The following CNTRL variants were observed in gnomAD, a reference collection of about 807,000 sequenced individuals.
CNTRL encodes 110 kDa centrosomal protein.
In CNTRL, 233 loss-of-function variants were observed where a neutral mutation model predicts 303.7. The observed-to-expected ratio is 0.77, with a 90% confidence interval of 0.69 to 0.86. CNTRL has a LOEUF of 0.86. Ranked by LOEUF, CNTRL falls within the 40% of genes least tolerant of loss-of-function variation. The pLI is 0.00. For missense variants in CNTRL, 2,524 were observed against 2,650.6 expected (o/e 0.95, Z 1.05); for synonymous variants, 900 against 922.2 (o/e 0.98, Z 0.44).
intron 40 of CNTRL, among the ~76,000 whole-genome samples, chr9:121,172,722 A>G (rs2053362424): frequency 6.6e-6 from 1 of 152,252 alleles, no homozygotes; most frequent in Admixed American, 6.5e-5. Flanking sequence ...TAGCATTTAT[A>G]ATCCAGATCA....
At chr9:121,085,149 C>G (rs1030347705) in intron 2 of CNTRL, among the ~76,000 whole-genome samples, 5 of 152,054 alleles carry the variant, frequency 3.3e-5, no homozygotes, top group Non-Finnish European at 7.4e-5. Context: ...ACAAAAAAGG[C>G]AGATTTAAAA....
At chr9:121,136,352 T>G (rs2051192462) in intron 15 of CNTRL, among the ~76,000 whole-genome samples, 1 of 152,120 alleles carries the variant, frequency 6.6e-6, no homozygotes, top group Non-Finnish European at 1.5e-5. Context: ...GCTCTGTTGC[T>G]AGGCTGGAGT....
At chr9:121,105,125 A>T (rs1352070932) in intron 7 of CNTRL, among the ~76,000 whole-genome samples, 1 of 152,242 alleles carries the variant, frequency 6.6e-6, no homozygotes, top group Non-Finnish European at 1.5e-5. Flanking sequence ...GTAGCAATCT[A>T]GGCTGGAGTC....
chr9:121,169,591 A>G lies in CNTRL; in HGVS notation c.6071-20A>G, dbSNP rs2053224229. 2 of 1,613,372 alleles carry G rather than the reference A, an allele frequency of 1.2e-6. No homozygotes were observed. Among genetic ancestry groups the G allele is most frequent in the South Asian group, 2.2e-5 (2 of 91,062 alleles). On this transcript the variant is annotated intron_variant, in intron 38 of 43. Transcript: ENST00000373855. ...TGGCTCGGGGTCTTTGGCTAAACCT[A>G]CTGAAAATGCTCATTTCAGAACGGC...
chr9:121,161,596 C>T (rs1311479368), intron 32 of CNTRL: 1 of 422,878 alleles, frequency 2.4e-6, no homozygotes, highest in Non-Finnish European at 4.2e-6. Context: ...AGTCCTTACA[C>T]CTCAGCCTGC....
intron 7 of CNTRL, among the ~76,000 whole-genome samples, chr9:121,102,346 A>G (rs1009657069): frequency 6.6e-6 from 1 of 152,220 alleles, no homozygotes; most frequent in Non-Finnish European, 1.5e-5. Context: ...ACAAACTTCA[A>G]CAGCCCTTCA....
In CNTRL at chr9:121,096,494, T is replaced by G. The variant is rs1424297164; in HGVS notation, c.552T>G (p.Ile184Met). Residue 184 changes from isoleucine to methionine, a missense_variant, in exon 6 of 44, where the codon ATT (isoleucine) becomes ATG (methionine). Coordinates refer to ENST00000373855, the MANE Select transcript of CNTRL (RefSeq NM_007018.6). ...LNLAGNEIEHIPVWLGKKLKS... is the reference protein window; with the variant it reads ...LNLAGNEIEHMPVWLGKKLKS... Reference sequence around the variant, plus strand: ...TTGCAGGAAATGAAATTGAGCATATTCCAGTATGGTTAGGGAAGAAGTTAA... The same window carrying G: ...TTGCAGGAAATGAAATTGAGCATATGCCAGTATGGTTAGGGAAGAAGTTAA... 2 of 1,571,948 alleles carry G rather than the reference T, an allele frequency of 1.3e-6. No homozygotes were observed. The highest frequency in any genetic ancestry group is 1.3e-5 in the African/African-American group (1 of 74,296).
At chr9:121,109,301 G>A (rs918167401) in intron 8 of CNTRL, among the ~76,000 whole-genome samples, 6 of 151,988 alleles carry the variant, frequency 3.9e-5, no homozygotes, top group Admixed American at 1.3e-4. Flanking sequence ...TTTTTAATCC[G>A]TGGTTGGTTG....
intron 43 of CNTRL, among the ~76,000 whole-genome samples, chr9:121,175,879 A>G (rs940541275): frequency 6.6e-6 from 1 of 152,186 alleles, no homozygotes; most frequent in Admixed American, 6.5e-5. Flanking sequence ...TATGAGTCCT[A>G]GTTTAGTATG....
Position 121,074,983 on chromosome 9 carries a change from C to G in CNTRL, c.-289C>G, listed in dbSNP as rs1420902197. The G allele has an allele frequency of 2.2e-6, 1 of 455,802 alleles. No homozygotes were observed. Among genetic ancestry groups the G allele is most frequent in the Admixed American group, 2.3e-5 (1 of 42,554 alleles). The allele number at this position is 455,802 out of a possible 1,614,324, so 28.2% of individuals were successfully genotyped here. ...CGGCACAACACAACAAAATGGCTGC[C>G]GCGCCGCTGGGCCCCTGAGGAAAGA... On this transcript the variant is annotated 5_prime_UTR_variant, in exon 1 of 44. Coordinates refer to ENST00000373855, the MANE Select transcript of CNTRL (RefSeq NM_007018.6).
At position 121,118,475 on chromosome 9, in the gene CNTRL, A is replaced by C. The variant is rs946931458; in HGVS notation, c.1585A>C (p.Lys529Gln). 1.9e-6 allele frequency: 3 copies of C among 1,611,878 alleles called. No individual in the cohort carries two copies. Among genetic ancestry groups the C allele is most frequent in the Non-Finnish European group, 2.5e-6 (3 of 1,178,478 alleles). ...MEKQKQEIAGKQKEIKDLQIA... is the reference protein window; with the variant it reads ...MEKQKQEIAGQQKEIKDLQIA... ...AAAGCAAAAGCAGGAAATTGCCGGA[A>C]AGCAGAAGGAGATTAAGGACCTGCA... Residue 529 changes from lysine to glutamine, a missense_variant, in exon 12 of 44, where the codon AAG becomes CAG. Lys to Gln is a moderately conservative substitution (Grantham distance 53). Transcript: ENST00000373855.
rs1289343177 is a variant in CNTRL at position 121,074,995 on chromosome 9, C to A, written c.-277C>A. 9 of 455,384 alleles carry A rather than the reference C, an allele frequency of 2.0e-5. No individual in the cohort carries two copies. The highest frequency in any genetic ancestry group is 3.2e-4 in the Middle Eastern group (1 of 3,090). 28.2% of individuals were successfully genotyped at this position (455,384 alleles called of 1,614,324 possible). ...ACAAAATGGCTGCCGCGCCGCTGGG[C>A]CCCTGAGGAAAGAGCCCGAACTTCT... On this transcript the variant is annotated 5_prime_UTR_variant, in exon 1 of 44. Transcript: ENST00000373855.
At position 121,146,362 on chromosome 9, in the gene CNTRL, A is replaced by G. The variant is rs186305829; in HGVS notation, c.3459+106A>G. ...AACAGGTACCAAAAACAACATTTCT[A>G]TGCTAAGCCGTGCATTGAGGTTCTG... On this transcript the variant is annotated intron_variant, in intron 23 of 43. Coordinates refer to ENST00000373855, the MANE Select transcript of CNTRL (RefSeq NM_007018.6). The G allele has an allele frequency of 8.6e-6, 10 of 1,168,556 alleles. No homozygotes were observed. The African/African-American group carries it at 1.2e-4, about 15-fold the overall frequency. The allele number at this position is 1,168,556 out of a possible 1,614,324, so 72.4% of individuals were successfully genotyped here.
chr9:121,145,172 G>A, intron 21 of CNTRL, 72 bp from the exon 22 acceptor site: 1 of 1,488,926 alleles, frequency 6.7e-7, no homozygotes, highest in Non-Finnish European at 9.1e-7. Flanking sequence ...TCATAATCAA[G>A]TTGAAAGGAT....
At chr9:121,097,440 T>C (rs534712373) in intron 6 of CNTRL, among the ~76,000 whole-genome samples, 2 of 152,296 alleles carry the variant, frequency 1.3e-5, no homozygotes, top group African/African-American at 4.8e-5. Flanking sequence ...GTGAAAATGC[T>C]TTAAAAAAAA....
Position 121,124,008 on chromosome 9 carries a change from T to C in CNTRL, c.1728T>C (p.Ser576=). ...IMNKQYQQLE[S]RLDEILSRIA... Reference sequence around the variant, plus strand: ...ACAAGCAGTACCAACAACTTGAAAGTCGTTTGGATGAGATACTTTCTAGAA... The same window carrying C: ...ACAAGCAGTACCAACAACTTGAAAGCCGTTTGGATGAGATACTTTCTAGAA... Residue 576 remains serine, a synonymous_variant, in exon 13 of 44, where the codon AGT becomes AGC. Coordinates refer to ENST00000373855, the MANE Select transcript of CNTRL (RefSeq NM_007018.6). 2 of 1,613,196 alleles carry C rather than the reference T, an allele frequency of 1.2e-6. No homozygotes were observed. Among genetic ancestry groups the C allele is most frequent in the Middle Eastern group, 1.7e-4 (1 of 6,058 alleles).
rs928484917 is a variant in CNTRL, at chr9:121,157,658, C to G, written c.4496+58C>G. 4.4e-6 allele frequency: 7 copies of G among 1,605,256 alleles called. No homozygotes were observed. In the African/African-American group the frequency reaches 9.4e-5, roughly 22 times the overall value. On this transcript the variant is annotated intron_variant, in intron 28 of 43. Transcript: ENST00000373855. ...ATTGAGATGAATGAAAAGTTTGCTT[C>G]TAAGGGGATAATAATTGGTTTATGA...
chr9:121,167,665 C>G lies in CNTRL; in HGVS notation c.5832C>G (p.Val1944=). 6.2e-7 allele frequency: 1 copy of G among 1,613,576 alleles called. No homozygotes were observed. Among genetic ancestry groups the G allele is most frequent in the Non-Finnish European group, 8.5e-7 (1 of 1,179,712 alleles). Reference sequence around the variant, plus strand: ...TTGAAGAAAACAAGCTCAAACTAGTCCAACAAGAAATGGTACTACACATTT... The same window carrying G: ...TTGAAGAAAACAAGCTCAAACTAGTGCAACAAGAAATGGTACTACACATTT... The part of the protein sequence containing the change: ...NEIEENKLKL[V]QQEMMFQRLQ... Residue 1944 remains valine (V), a synonymous_variant, in exon 37 of 44, where the codon GTC becomes GTG. Coordinates refer to ENST00000373855, the MANE Select transcript of CNTRL (RefSeq NM_007018.6).
intron 14 of CNTRL, among the ~76,000 whole-genome samples, chr9:121,130,386 C>T (rs1431857097): frequency 6.6e-6 from 1 of 152,090 alleles, no homozygotes; most frequent in African/African-American, 2.4e-5. Context: ...GGAATTTATC[C>T]ATTTCTTCTA....
Sources: gnomAD v4.1 joint callset for allele counts (sites outside exome capture counted in the v4.1 genomes callset) on GRCh38, gnomAD v4.1.1 for gene constraint, MANE v1.5 for transcripts, NCBI Gene and HGNC (gene_info 2026-07-23, HGNC 2026-07-21) for gene names.